The following GNAQ variants were observed in gnomAD, a reference collection of about 807,000 sequenced individuals.
GNAQ encodes guanine nucleotide-binding protein G(q) subunit alpha.
GNAQ carries 8 observed loss-of-function variants against 43.9 expected under a neutral mutation model. That is an observed-to-expected ratio of 0.18 (90% CI 0.11 to 0.33). GNAQ has a LOEUF of 0.33. Ranked by LOEUF, GNAQ falls within the 10% of genes least tolerant of loss-of-function variation. The pLI is 1.00. For missense variants in GNAQ, 158 were observed against 450.8 expected (o/e 0.35, Z 5.88); for synonymous variants, 155 against 170.7 (o/e 0.91, Z 0.71).
chr9:77,794,618 A>G (rs2118444799), intron 4 of GNAQ, 26 bp from the exon 5 acceptor site: 2 of 1,484,638 alleles, frequency 1.3e-6, no homozygotes, highest in Non-Finnish European at 1.9e-6. Context: ...TACTCATATT[A>G]ATAACATATA....
intron 1 of GNAQ, among the ~76,000 whole-genome samples, chr9:77,939,942 T>C (rs915464744): frequency 1.3e-5 from 2 of 152,210 alleles, no homozygotes; most frequent in Non-Finnish European, 2.9e-5. Flanking sequence ...TACTCGCTGA[T>C]GTCCTGACAC....
intron 2 of GNAQ, among the ~76,000 whole-genome samples, chr9:77,903,453 G>A (rs1239154045): frequency 1.3e-5 from 2 of 152,254 alleles, no homozygotes; most frequent in South Asian, 2.1e-4. Flanking sequence ...GGAGGAAAAT[G>A]GAAAATGTTT....
chr9:77,936,473 C>T (rs1829233683), intron 1 of GNAQ, among the ~76,000 whole-genome samples: 1 of 152,074 alleles, frequency 6.6e-6, no homozygotes, highest in Admixed American at 6.6e-5. Context: ...GTCTTATATG[C>T]AACCTTCCCC....
chr9:77,950,443 A>G (rs1169599936), intron 1 of GNAQ, among the ~76,000 whole-genome samples: 1 of 152,176 alleles, frequency 6.6e-6, no homozygotes, highest in Non-Finnish European at 1.5e-5. Context: ...TTGCTCCCAC[A>G]AGCCTTCCCC....
intron 2 of GNAQ, among the ~76,000 whole-genome samples, chr9:77,893,161 T>C (rs921925636): frequency 6.6e-6 from 1 of 152,134 alleles, no homozygotes; most frequent in African/African-American, 2.4e-5. Flanking sequence ...ATTCCCAGAT[T>C]AGGCACTTCA....
At chr9:78,000,090 G>C (rs1157286330) in intron 1 of GNAQ, among the ~76,000 whole-genome samples, 1 of 152,086 alleles carries the variant, frequency 6.6e-6, no homozygotes, top group Non-Finnish European at 1.5e-5. Context: ...TCTAATAAAG[G>C]TTAAAATATT....
At chr9:78,004,276 C>CA (rs754254450) in intron 1 of GNAQ, among the ~76,000 whole-genome samples, 10,416 of 81,956 alleles carry the variant, frequency 0.13, 417 homozygotes, top group African/African-American at 0.19. Context: ...GACTCTGTCT[C>CA]AAAAAAAAAA....
intron 6 of GNAQ, among the ~76,000 whole-genome samples, chr9:77,727,376 T>C (rs1176657388): frequency 2.0e-5 from 3 of 152,312 alleles, no homozygotes; most frequent in Middle Eastern, 3.4e-3. Context: ...AGTGGCTACA[T>C]GTGGATGCAT....
intron 3 of GNAQ, among the ~76,000 whole-genome samples, chr9:77,812,299 C>T (rs1826941574): frequency 1.3e-5 from 2 of 152,140 alleles, no homozygotes; most frequent in Admixed American, 6.5e-5. Flanking sequence ...AAGTAAAATA[C>T]AACTTTATAA....
At chr9:78,030,710 C>A (rs983734767) in intron 1 of GNAQ, 94 of 376,502 alleles carry the variant, frequency 2.5e-4, no homozygotes, top group Non-Finnish European at 4.0e-4. Context: ...GTGCCGCGGC[C>A]ACGACACTGG....
At chr9:77,811,314 G>GAAGATATCTTTATAAAGATATA (rs1826919296) in intron 3 of GNAQ, among the ~76,000 whole-genome samples, 2 of 138,706 alleles carry the variant, frequency 1.4e-5, no homozygotes, top group Non-Finnish European at 3.2e-5. Flanking sequence ...ATAAAGATAT[G>GAAGATATCTTTATAAAGATATA]AAGATATCTT....
chr9:77,920,629 A>G (rs973978875), intron 2 of GNAQ, among the ~76,000 whole-genome samples: 1 of 152,168 alleles, frequency 6.6e-6, no homozygotes, highest in Non-Finnish European at 1.5e-5. Flanking sequence ...GACTACTTAG[A>G]TATATCCATG....
chr9:77,930,538 CTTTCA>C (rs1370303531), intron 1 of GNAQ, among the ~76,000 whole-genome samples: 1 of 152,082 alleles, frequency 6.6e-6, no homozygotes, highest in Non-Finnish European at 1.5e-5. Context: ...TTAGTGATTT[CTTTCA>C]TTTATGTCTT....
At chr9:77,814,012 T>C (rs1388211412) in intron 3 of GNAQ, among the ~76,000 whole-genome samples, 6 of 151,230 alleles carry the variant, frequency 4.0e-5, no homozygotes, top group South Asian at 4.2e-4. Context: ...GGGTGGAGGG[T>C]AAATAAGCAG....
intron 5 of GNAQ, among the ~76,000 whole-genome samples, chr9:77,757,610 T>C (rs1825924796): frequency 6.6e-6 from 1 of 152,120 alleles, no homozygotes; most frequent in Non-Finnish European, 1.5e-5. Context: ...TATAACATGC[T>C]TTTACTATTA....
At chr9:77,775,133 AG>A (rs1826287469) in intron 5 of GNAQ, among the ~76,000 whole-genome samples, 1 of 152,168 alleles carries the variant, frequency 6.6e-6, no homozygotes, top group Admixed American at 6.5e-5. Flanking sequence ...GCATCTGCAT[AG>A]TATTTTATTT....
rs960502599 is a variant in GNAQ, at chr9:78,024,839, TA to T, written c.136+6260del. Among the ~76,000 whole-genome samples the T allele has an allele frequency of 9.9e-3, 1,469 of 148,272 alleles. 16 individuals carry two copies. Among genetic ancestry groups the T allele is most frequent in the African/African-American group, 0.03 (1,226 of 40,696 alleles). Reference sequence around the variant, plus strand: ...TGTTCCTTCTTAAGTTATGCCTGGTTAAAAAAAAAAATTAGAGGAAATATTT... The same window carrying T: ...TGTTCCTTCTTAAGTTATGCCTGGTTAAAAAAAAAATTAGAGGAAATATTT... On this transcript the variant is annotated intron_variant, in intron 1 of 6. Transcript: ENST00000286548.
intron 2 of GNAQ, among the ~76,000 whole-genome samples, chr9:77,921,933 TA>T: frequency 6.6e-6 from 1 of 152,358 alleles, no homozygotes; most frequent in Non-Finnish European, 1.5e-5. Context: ...TTGATATCAC[TA>T]AAAATACAAA....
intron 2 of GNAQ, among the ~76,000 whole-genome samples, chr9:77,878,352 G>T (rs568139233): frequency 9.2e-5 from 14 of 151,618 alleles, no homozygotes; most frequent in African/African-American, 3.4e-4. Flanking sequence ...AGAAAGGATT[G>T]AATTCAAAAT....
Sources: allele counts gnomAD v4.1 joint callset (sites outside exome capture counted in the v4.1 genomes callset), GRCh38; gene constraint gnomAD v4.1.1; transcripts MANE v1.5; gene names NCBI Gene and HGNC (gene_info 2026-07-23, HGNC 2026-07-21).